Variants in CYP7B1 observed in about 807,000 individuals in gnomAD.
CYP7B1 encodes the protein cytochrome P450 7B1.
Under a neutral mutation model 42.7 loss-of-function variants are expected in CYP7B1, and 29 were observed. The observed-to-expected ratio is 0.68, with a 90% CI of 0.51 to 0.93. The LOEUF is 0.93. CYP7B1 is among the 40% of genes least tolerant of loss of function. The probability of loss-of-function intolerance (pLI) is 0.00; values close to 1 mark genes in which losing one functional copy is unlikely to be tolerated. For synonymous variants in CYP7B1, 235 were observed against 218.2 expected, an observed-to-expected ratio of 1.08 and a Z score of -0.68; for missense variants, 655 against 600.5, an observed-to-expected ratio of 1.09 and a Z score of -0.95.
At chr8:64,610,077 CAT>C (rs1805341666) in intron 4 of CYP7B1, among the ~76,000 whole-genome samples, 2 of 152,184 alleles carry the variant, frequency 1.3e-5, no homozygotes, top group Admixed American at 6.5e-5. Context: ...TGCTGAGTCA[CAT>C]GTTTCTCATC....
chr8:64,600,372 G>T (rs1323166317), intron 5 of CYP7B1, among the ~76,000 whole-genome samples: 1 of 152,166 alleles, frequency 6.6e-6, no homozygotes, highest in African/African-American at 2.4e-5. Flanking sequence ...AAGTTACAAG[G>T]CATAAAACAT....
At chr8:64,781,100 C>T (rs556288604) in intron 1 of CYP7B1, among the ~76,000 whole-genome samples, 1 of 152,216 alleles carries the variant, frequency 6.6e-6, no homozygotes, top group South Asian at 2.1e-4. Flanking sequence ...TCTGTAAAAT[C>T]TGAGACCAAA....
intron 5 of CYP7B1, among the ~76,000 whole-genome samples, chr8:64,603,179 C>A (rs1250674993): frequency 6.6e-6 from 1 of 152,106 alleles, no homozygotes; most frequent in Non-Finnish European, 1.5e-5. Flanking sequence ...CTTCTGATTA[C>A]TATTTGATTT....
chr8:64,588,136 G>T (rs749631879), downstream of CYP7B1, among the ~76,000 whole-genome samples: 1 of 152,136 alleles, frequency 6.6e-6, no homozygotes, highest in African/African-American at 2.4e-5. Flanking sequence ...TAAGAACTAT[G>T]ATCTGTGAAT....
chr8:64,787,053 T>C (rs1804539621), intron 1 of CYP7B1, among the ~76,000 whole-genome samples: 1 of 152,164 alleles, frequency 6.6e-6, no homozygotes, highest in East Asian at 1.9e-4. Flanking sequence ...CACAGAGCAG[T>C]GGGGCAGGGG....
chr8:64,756,099 T>C (rs1305753951), intron 1 of CYP7B1, among the ~76,000 whole-genome samples: 1 of 152,210 alleles, frequency 6.6e-6, no homozygotes, highest in Admixed American at 6.5e-5. Context: ...AAGAAGTGTC[T>C]AGCTTCCATG....
intron 1 of CYP7B1, among the ~76,000 whole-genome samples, chr8:64,731,827 G>A (rs1320417549): frequency 2.0e-5 from 3 of 152,228 alleles, no homozygotes; most frequent in Non-Finnish European, 4.4e-5. Context: ...GCTGCTAAAA[G>A]GAGCCAAGTT....
intron 1 of CYP7B1, among the ~76,000 whole-genome samples, chr8:64,699,978 C>G (rs1450669444): frequency 6.6e-6 from 1 of 152,100 alleles, no homozygotes. Context: ...ATGGCTGGCA[C>G]CTGGTGCTAG....
At chr8:64,749,088 CTCT>C (rs368537102) in intron 1 of CYP7B1, among the ~76,000 whole-genome samples, 3,001 of 151,230 alleles carry the variant, frequency 0.02, 103 homozygotes, top group African/African-American at 0.067. Flanking sequence ...TTTCTTTTTT[CTCT>C]TTTTTTTGAG....
chr8:64,724,411 T>G (rs754540934), intron 1 of CYP7B1, among the ~76,000 whole-genome samples: 2 of 152,160 alleles, frequency 1.3e-5, no homozygotes, highest in South Asian at 4.1e-4. Flanking sequence ...CCTCCCAAAG[T>G]GCTGGGATTA....
At chr8:64,654,578 T>C (rs566411379) in intron 1 of CYP7B1, among the ~76,000 whole-genome samples, 32 of 152,366 alleles carry the variant, frequency 2.1e-4, no homozygotes, top group Non-Finnish European at 4.4e-4. Context: ...ATCAATTTTA[T>C]TAAAATGACC....
At position 64,663,814 on chromosome 8, in the gene CYP7B1, C is replaced by T. The variant is rs116980516; in HGVS notation, c.123-39275G>A. On this transcript the variant is annotated intron_variant, in intron 1 of 5. Transcript: ENST00000310193. ...CAAAAATTTCATTTCTGTCCACTCT[C>T]ATCTGGCAACACCACGCGTCTCTCT... Among the ~76,000 whole-genome samples the T allele has an allele frequency of 2.0e-3, 303 of 152,350 alleles. 7 individuals are homozygous for T. In the East Asian group the frequency reaches 0.047, roughly 24 times the overall value.
Position 64,616,212 on chromosome 8 carries a change from C to A in CYP7B1, c.329G>T (p.Ser110Ile). ...TAATTTATTAGAAAATACTCGAAAG[C>A]TTAATTGTTTATGATTTTTTATCAC... is the stretch of plus-strand genomic sequence containing the variant. ...QLVIKNHKQLSFRVFSNKLLE... is the reference protein window; with the variant it reads ...QLVIKNHKQLIFRVFSNKLLE... The change falls in exon 3 of 6, where the codon AGC becomes ATC. Residue 110 changes from serine (S) to isoleucine (I), a missense_variant. Transcript: ENST00000310193. 1 of 1,610,260 alleles carries A rather than the reference C, an allele frequency of 6.2e-7. No individual in the cohort carries two copies. The highest frequency in any genetic ancestry group is 8.5e-7 in the Non-Finnish European group (1 of 1,178,642).
intron 1 of CYP7B1, among the ~76,000 whole-genome samples, chr8:64,777,174 TA>T (rs71561235): frequency 0.14 from 16,112 of 113,042 alleles, 1,608 homozygotes; most frequent in African/African-American, 0.33. Flanking sequence ...GGTCATTTTG[TA>T]AAAAAAAAAA....
intron 1 of CYP7B1, among the ~76,000 whole-genome samples, chr8:64,768,053 G>A (rs1804136834): frequency 6.6e-6 from 1 of 152,202 alleles, no homozygotes; most frequent in African/African-American, 2.4e-5. Flanking sequence ...GGACTAGCTG[G>A]ATTTCCTAAG....
chr8:64,660,113 C>T (rs955166770), intron 1 of CYP7B1, among the ~76,000 whole-genome samples: 3 of 152,144 alleles, frequency 2.0e-5, no homozygotes, highest in African/African-American at 7.2e-5. Flanking sequence ...TCCAAATAAC[C>T]GTCTTTATGA....
chr8:64,775,491 C>A (rs941126488), intron 1 of CYP7B1, among the ~76,000 whole-genome samples: 3 of 152,090 alleles, frequency 2.0e-5, no homozygotes, highest in African/African-American at 7.2e-5. Context: ...AAGGATAGTT[C>A]TTTCCTTAGT....
chr8:64,589,507 C>T (rs1805008258), downstream of CYP7B1, among the ~76,000 whole-genome samples: 1 of 152,064 alleles, frequency 6.6e-6, no homozygotes, highest in East Asian at 1.9e-4. Context: ...AAAACAAATA[C>T]ATTTATAAAA....
At chr8:64,679,349 G>T (rs2129631901) in intron 1 of CYP7B1, among the ~76,000 whole-genome samples, 1 of 152,218 alleles carries the variant, frequency 6.6e-6, no homozygotes, top group East Asian at 1.9e-4. Context: ...GAGAAGAATA[G>T]GGAAGGAAAG....
Sources: allele counts gnomAD v4.1 joint callset (sites outside exome capture counted in the v4.1 genomes callset), GRCh38; gene constraint gnomAD v4.1.1; transcripts MANE v1.5; gene names NCBI Gene and HGNC (gene_info 2026-07-23, HGNC 2026-07-21).